Variants in SLC44A5 observed in about 807,000 individuals in gnomAD.
SLC44A5 encodes the protein choline transporter-like protein 5.
Under a neutral mutation model 101.8 loss-of-function variants are expected in SLC44A5, and 57 were observed. That is an observed-to-expected ratio of 0.56 (90% confidence interval 0.45 to 0.70). The LOEUF (loss-of-function observed/expected upper bound fraction) is 0.70. Ranked by LOEUF, SLC44A5 falls within the 30% of genes least tolerant of loss-of-function variation. SLC44A5 has a pLI of 0.00. For synonymous variants in SLC44A5, 281 were observed against 290.9 expected (o/e 0.97, Z 0.35); for missense variants, 737 against 853.1 (o/e 0.86, Z 1.70).
In SLC44A5 at chr1:75,287,426, C is replaced by CTTTTTTTTTTT. The variant is rs371647505; in HGVS notation, c.176-12395_176-12385dup. Among the ~76,000 whole-genome samples the CTTTTTTTTTTT allele has an allele frequency of 5.2e-4, 36 of 69,898 alleles. 1 individual carries two copies. The highest frequency in any genetic ancestry group is 6.6e-4 in the African/African-American group (11 of 16,664). 45.9% of individuals were successfully genotyped at this position (69,898 alleles called of 152,430 possible). A position where few individuals can be genotyped will look rare whatever the true frequency, so the allele number is the denominator to read the frequency against. The stretch of plus-strand genomic sequence containing the variant: ...AGCTTAATAATTGACCTTCTGAATT[C>CTTTTTTTTTTT]TTTTTTTTTTTTTTTTTTTTTTTGG... On this transcript the variant is annotated intron_variant, in intron 5 of 23. Coordinates refer to ENST00000370859, the MANE Select transcript of SLC44A5 (RefSeq NM_001130058.2).
the SLC44A5 span, among the ~76,000 whole-genome samples, chr1:75,698,540 A>C: frequency 6.6e-6 from 1 of 152,242 alleles, no homozygotes; most frequent in African/African-American, 2.4e-5. Context: ...AGATAAAACC[A>C]CAAAGATGCG....
At chr1:75,567,256 A>G (rs1460557478) in intron 1 of SLC44A5, among the ~76,000 whole-genome samples, 1 of 151,984 alleles carries the variant, frequency 6.6e-6, no homozygotes, top group Non-Finnish European at 1.5e-5. Context: ...CTACTTTCCT[A>G]TGTACAGCTC....
intron 6 of SLC44A5, among the ~76,000 whole-genome samples, chr1:75,263,658 C>T (rs915471720): frequency 6.6e-6 from 1 of 152,098 alleles, no homozygotes; most frequent in Non-Finnish European, 1.5e-5. Context: ...ATAAATCATT[C>T]TACTATAAAG....
At chr1:75,686,438 T>A in the SLC44A5 span, among the ~76,000 whole-genome samples, 1 of 152,164 alleles carries the variant, frequency 6.6e-6, no homozygotes, top group Non-Finnish European at 1.5e-5. Context: ...CATCTTGAAG[T>A]AGAGCCTGTT....
rs1648325255 is a variant in SLC44A5, at chr1:75,238,491, A to C, written c.656+22T>G. 3 of 1,556,038 alleles carry C rather than the reference A, an allele frequency of 1.9e-6. No homozygotes were observed. The East Asian group carries it at 7.2e-5, about 37-fold the overall frequency. ...AATAACAAAATGCATCAAACTGAAA[A>C]TTAGAATGTAAACACACATACTTTG... On this transcript the variant is annotated intron_variant, in intron 10 of 23. Coordinates refer to ENST00000370859, the MANE Select transcript of SLC44A5 (RefSeq NM_001130058.2).
chr1:75,216,168 T>A (rs887359887), intron 18 of SLC44A5, among the ~76,000 whole-genome samples: 1 of 151,990 alleles, frequency 6.6e-6, no homozygotes. Flanking sequence ...ATATTTTTTG[T>A]CTGTATAAAT....
intron 12 of SLC44A5, among the ~76,000 whole-genome samples, chr1:75,232,019 G>C (rs1647618727): frequency 6.6e-6 from 1 of 152,084 alleles, no homozygotes; most frequent in Non-Finnish European, 1.5e-5. Flanking sequence ...ATGATATGTA[G>C]AAAGTCAATT....
the SLC44A5 span, among the ~76,000 whole-genome samples, chr1:75,701,093 T>A: frequency 6.6e-6 from 1 of 152,166 alleles, no homozygotes; most frequent in Non-Finnish European, 1.5e-5. Context: ...GAGGAACTGG[T>A]ACCATTCCTT....
intron 2 of SLC44A5, among the ~76,000 whole-genome samples, chr1:75,499,501 G>A (rs1668841329): frequency 2.0e-5 from 3 of 152,210 alleles, no homozygotes; most frequent in Admixed American, 1.3e-4. Flanking sequence ...TCCATGGTTC[G>A]GGGGTTGGGG....
the SLC44A5 span, among the ~76,000 whole-genome samples, chr1:75,695,450 T>C: frequency 1.3e-5 from 2 of 152,154 alleles, no homozygotes; most frequent in Non-Finnish European, 2.9e-5. Flanking sequence ...GGTCCAATTA[T>C]TACATAACAG....
rs543614638 is a variant in SLC44A5, at chr1:75,428,574, C to G, written c.14-31953G>C. Among the ~76,000 whole-genome samples, 81 of 152,280 alleles carry G rather than the reference C, an allele frequency of 5.3e-4. 2 individuals carry two copies. In the South Asian group the frequency reaches 0.016, roughly 30 times the overall value. On this transcript the variant is annotated intron_variant, in intron 2 of 23. Transcript: ENST00000370859. ...CATTGTGGAAGTTGCTAATCCATGA[C>G]TTTGGAAGCTAAATTAGCTTCACCA...
intron 2 of SLC44A5, among the ~76,000 whole-genome samples, chr1:75,528,094 T>C (rs1465410826): frequency 6.6e-6 from 1 of 151,830 alleles, no homozygotes; most frequent in Admixed American, 6.5e-5. Context: ...GAACACTATT[T>C]ATCTTTAAGC....
intron 3 of SLC44A5, among the ~76,000 whole-genome samples, chr1:75,384,970 T>C (rs1019141441): frequency 1.1e-4 from 16 of 150,886 alleles, no homozygotes; most frequent in African/African-American, 3.1e-4. Context: ...GGGTACATAA[T>C]GAAATGAAGG....
intron 16 of SLC44A5, 86 bp from the exon 17 acceptor site, chr1:75,218,838 T>G: frequency 7.7e-7 from 1 of 1,295,682 alleles, no homozygotes; most frequent in Non-Finnish European, 1.1e-6. Context: ...TTCCCCTTAA[T>G]TGCATATCCT....
chr1:75,341,000 C>T (rs1048464287), intron 3 of SLC44A5, among the ~76,000 whole-genome samples: 1 of 152,218 alleles, frequency 6.6e-6, no homozygotes, highest in Non-Finnish European at 1.5e-5. Context: ...ATTCCCTTTT[C>T]TCACTTTTAA....
intron 4 of SLC44A5, among the ~76,000 whole-genome samples, chr1:75,339,015 C>T (rs1226926836): frequency 6.6e-6 from 1 of 152,164 alleles, no homozygotes; most frequent in Non-Finnish European, 1.5e-5. Flanking sequence ...GAATTACTGG[C>T]TAATTTTAAA....
chr1:75,691,049 C>T, the SLC44A5 span, among the ~76,000 whole-genome samples: 6 of 151,974 alleles, frequency 3.9e-5, no homozygotes, highest in African/African-American at 1.4e-4. Flanking sequence ...GTGTGACTCT[C>T]TTGAATACAC....
intron 3 of SLC44A5, among the ~76,000 whole-genome samples, chr1:75,392,149 CAA>C (rs531261926): frequency 6.9e-6 from 1 of 144,100 alleles, no homozygotes. Context: ...GAACCTGTCT[CAA>C]AAAAAAAAAT....
At chr1:75,227,954 C>A (rs1035305798) in intron 12 of SLC44A5, 97 bp from the exon 13 acceptor site, 3 of 995,494 alleles carry the variant, frequency 3.0e-6, no homozygotes, top group Non-Finnish European at 1.4e-6. Context: ...AACTGATCAG[C>A]ATGGTAATTT....
Sources: gnomAD v4.1 joint callset for allele counts (sites outside exome capture counted in the v4.1 genomes callset) on GRCh38, gnomAD v4.1.1 for gene constraint, MANE v1.5 for transcripts, NCBI Gene and HGNC (gene_info 2026-07-23, HGNC 2026-07-21) for gene names.